KCNH1: variants seen among roughly 807,000 people sequenced by gnomAD.
The protein encoded by KCNH1 is voltage-gated delayed rectifier potassium channel KCNH1.
Under a neutral mutation model 69.2 loss-of-function variants are expected in KCNH1, and 27 were observed. That is an observed-to-expected ratio of 0.39 (90% CI 0.29 to 0.54). KCNH1 has a LOEUF of 0.54. Among genes scored for constraint, KCNH1 ranks in the 20% least tolerant of loss-of-function variants. The pLI, the probability that KCNH1 is intolerant of heterozygous loss-of-function variation, is 0.68. For synonymous variants in KCNH1, 456 were observed against 487.7 expected (o/e 0.93, Z 0.86); for missense variants, 798 against 1,261.6 (o/e 0.63, Z 5.57).
chr1:210,841,288 C>T (rs1344467337), intron 7 of KCNH1, among the ~76,000 whole-genome samples: 2 of 152,032 alleles, frequency 1.3e-5, no homozygotes, highest in African/African-American at 4.8e-5. Flanking sequence ...CTATTAATAC[C>T]ATAAAAGGCC....
At chr1:210,886,188 A>G (rs920328846) in intron 7 of KCNH1, among the ~76,000 whole-genome samples, 1 of 152,218 alleles carries the variant, frequency 6.6e-6, no homozygotes, top group African/African-American at 2.4e-5. Context: ...CAAAGCTTTC[A>G]GAGGAAGGAA....
At chr1:210,831,010 G>T (rs1252560897) in intron 7 of KCNH1, among the ~76,000 whole-genome samples, 1 of 152,144 alleles carries the variant, frequency 6.6e-6, no homozygotes, top group East Asian at 1.9e-4. Flanking sequence ...CAGGCACACT[G>T]TCATTAAAAA....
At chr1:210,773,327 T>G (rs1683788939) in intron 10 of KCNH1, among the ~76,000 whole-genome samples, 2 of 152,210 alleles carry the variant, frequency 1.3e-5, no homozygotes, top group South Asian at 4.1e-4. Context: ...CATTTTATTA[T>G]GTGGAAGTTG....
At chr1:210,850,433 T>C (rs2884334) in intron 7 of KCNH1, among the ~76,000 whole-genome samples, 127,143 of 152,150 alleles carry the variant, frequency 0.84, 53,303 homozygotes, top group African/African-American at 0.87. Context: ...ATCGCTTGAA[T>C]CCGGGAGGCG....
intron 7 of KCNH1, among the ~76,000 whole-genome samples, chr1:210,843,847 G>A (rs966618818): frequency 1.3e-5 from 2 of 152,124 alleles, no homozygotes; most frequent in African/African-American, 4.8e-5. Flanking sequence ...GTCTTTATCT[G>A]TACCTCACAT....
intron 7 of KCNH1, chr1:210,859,775 C>T: frequency 9.8e-7 from 1 of 1,015,366 alleles, no homozygotes; most frequent in Non-Finnish European, 1.6e-6. Flanking sequence ...AGACTGAGAA[C>T]ACACATCCTT....
chr1:210,742,625 G>C (rs1683058659), intron 10 of KCNH1, among the ~76,000 whole-genome samples: 2 of 152,160 alleles, frequency 1.3e-5, no homozygotes, highest in Non-Finnish European at 2.9e-5. Flanking sequence ...TCCCAGAAAA[G>C]AATGATAAAT....
chr1:210,814,023 A>G (rs570495801), intron 7 of KCNH1, among the ~76,000 whole-genome samples: 272 of 152,326 alleles, frequency 1.8e-3, no homozygotes, highest in African/African-American at 6.1e-3. Context: ...TGAGTGCATT[A>G]AACCACTTTT....
intron 6 of KCNH1, among the ~76,000 whole-genome samples, chr1:210,932,105 C>T (rs898031917): frequency 6.6e-6 from 1 of 152,044 alleles, no homozygotes; most frequent in South Asian, 2.1e-4. Context: ...ATATGGACAT[C>T]CACCCAGATC....
At chr1:210,778,219 C>A (rs1446361126) in intron 9 of KCNH1, among the ~76,000 whole-genome samples, 1 of 152,146 alleles carries the variant, frequency 6.6e-6, no homozygotes, top group African/African-American at 2.4e-5. Context: ...AGCTAAACAG[C>A]CCACAGAATG....
chr1:211,076,549 A>G (rs1294361832), intron 5 of KCNH1, among the ~76,000 whole-genome samples: 6 of 152,258 alleles, frequency 3.9e-5, no homozygotes, highest in Non-Finnish European at 8.8e-5. Flanking sequence ...ACAAACAGAA[A>G]GGAATAGCAT....
At chr1:210,908,401 A>G (rs540532770) in intron 7 of KCNH1, among the ~76,000 whole-genome samples, 1 of 152,342 alleles carries the variant, frequency 6.6e-6, no homozygotes, top group African/African-American at 2.4e-5. Flanking sequence ...CAGCGCCTGC[A>G]TGTGAGCACA....
chr1:210,937,425 T>G (rs116210664), intron 6 of KCNH1, among the ~76,000 whole-genome samples: 2,743 of 152,322 alleles, frequency 0.018, 61 homozygotes, highest in South Asian at 0.093. Context: ...AACTACAGTA[T>G]GAGCACATGA....
intron 6 of KCNH1, among the ~76,000 whole-genome samples, chr1:210,993,822 G>A (rs934917698): frequency 6.6e-6 from 1 of 152,100 alleles, no homozygotes; most frequent in African/African-American, 2.4e-5. Flanking sequence ...GGGATCTCAA[G>A]TGAGAACAAG....
intron 1 of KCNH1, among the ~76,000 whole-genome samples, chr1:211,111,439 G>A (rs1341037522): frequency 6.7e-5 from 10 of 149,452 alleles, no homozygotes; most frequent in East Asian, 4.0e-4. Flanking sequence ...CTTTGCCACC[G>A]TCTGGGAAGT....
intron 10 of KCNH1, among the ~76,000 whole-genome samples, chr1:210,719,997 C>T (rs1434063778): frequency 6.6e-6 from 1 of 152,160 alleles, no homozygotes; most frequent in Non-Finnish European, 1.5e-5. Context: ...CTATATTCCT[C>T]TTAAATGCAG....
intron 6 of KCNH1, among the ~76,000 whole-genome samples, chr1:210,988,603 T>A (rs911378986): frequency 5.3e-5 from 8 of 152,164 alleles, no homozygotes; most frequent in Admixed American, 4.6e-4. Context: ...AGAAGCAACA[T>A]ATTTGAAAGT....
chr1:211,131,096 T>C (rs1421427781), intron 1 of KCNH1, among the ~76,000 whole-genome samples: 2 of 152,104 alleles, frequency 1.3e-5, no homozygotes, highest in African/African-American at 2.4e-5. Flanking sequence ...TGGGGCCTCA[T>C]TAGTTCTGCC....
intron 7 of KCNH1, among the ~76,000 whole-genome samples, chr1:210,827,846 T>G (rs1685065694): frequency 6.6e-6 from 1 of 152,006 alleles, no homozygotes; most frequent in South Asian, 2.1e-4. Context: ...GTTTTCTGTT[T>G]GTTTGTTTGT....
Sources: gnomAD v4.1 joint callset for allele counts (sites outside exome capture counted in the v4.1 genomes callset) on GRCh38, gnomAD v4.1.1 for gene constraint, MANE v1.5 for transcripts, NCBI Gene and HGNC (gene_info 2026-07-23, HGNC 2026-07-21) for gene names.